GATA4: variants seen among roughly 807,000 people sequenced by gnomAD.
GATA4 encodes the protein GATA binding protein 4, also known as transcription factor GATA-4.
A neutral mutation model predicts 37.9 loss-of-function variants in GATA4; 7 were observed. The observed-to-expected ratio is 0.18, with a 90% CI of 0.11 to 0.35. The LOEUF is 0.35. Among genes scored for constraint, GATA4 ranks in the 10% least tolerant of loss-of-function variants. The pLI is 1.00. For missense variants in GATA4, 647 were observed against 653.0 expected, an observed-to-expected ratio of 0.99 and a Z score of 0.10; for synonymous variants, 372 against 292.6, an observed-to-expected ratio of 1.27 and a Z score of -2.77.
intron 2 of GATA4, among the ~76,000 whole-genome samples, chr8:11,732,525 A>G (rs1801259954): frequency 1.3e-5 from 2 of 152,266 alleles, no homozygotes; most frequent in Admixed American, 1.3e-4. Context: ...GAAAACGTGA[A>G]GTAACACCAA....
chr8:11,696,178 CAG>C (rs1359690206), intron 1 of GATA4, among the ~76,000 whole-genome samples: 9 of 152,074 alleles, frequency 5.9e-5, no homozygotes, highest in Non-Finnish European at 1.2e-4. Flanking sequence ...GTACAGTTTT[CAG>C]AGTCTTGACA....
At chr8:11,688,179 C>T (rs1292998055), upstream of GATA4, among the ~76,000 whole-genome samples, 2 of 152,122 alleles carry the variant, frequency 1.3e-5, no homozygotes, top group African/African-American at 2.4e-5. Context: ...TCAAGAGCCC[C>T]CCACACACGT....
chr8:11,708,669 C>G lies in GATA4; in HGVS notation c.357C>G (p.Ala119=), dbSNP rs2130069809. 1 of 1,283,560 alleles carries G rather than the reference C, an allele frequency of 7.8e-7. No homozygotes were observed. The highest frequency in any genetic ancestry group is 9.8e-7 in the Non-Finnish European group (1 of 1,018,868). The allele number at this position is 1,283,560 out of a possible 1,614,324, so 79.5% of individuals were successfully genotyped here. Residue 119 remains alanine (A), a synonymous_variant, in exon 2 of 7, where the codon GCC becomes GCG. Coordinates refer to ENST00000532059, the MANE Select transcript of GATA4 (RefSeq NM_001308093.3). The surrounding 1 kb of genome is among the most constrained non-coding windows in gnomAD (Gnocchi z 6.7). ...CGGGGACCACCGGGTCCCTGGCGGCCGCCGCCGCCGCTGCCGCGGCCCGGG... is the reference window on the plus strand; with the variant it reads ...CGGGGACCACCGGGTCCCTGGCGGCGGCCGCCGCCGCTGCCGCGGCCCGGG... ...SFPGTTGSLA[A]AAAAAAAREA... is the part of the protein sequence containing the mutation.
At position 11,758,293 on chromosome 8, in the gene GATA4, A is replaced by C. The variant is rs2130354924; in HGVS notation, c.1150A>C (p.Thr384Pro). Residue 384 changes from threonine (T) to proline (P), a missense_variant and splice_region_variant, in exon 7 of 7, where the codon ACG becomes CCG. Transcript: ENST00000532059. Reference protein sequence around the residue: ...HYGHSSSVSQTFSVSAMSGHG... With the variant: ...HYGHSSSVSQPFSVSAMSGHG... ...TCATCGTGTGCTTTCTGCTTTTCAG[A>C]CGTTCTCAGTCAGTGCGATGTCTGG... 6.2e-7 allele frequency: 1 copy of C among 1,613,956 alleles called. No homozygotes were observed. The highest frequency in any genetic ancestry group is 1.3e-5 in the African/African-American group (1 of 74,988).
intron 1 of GATA4, chr8:11,698,048 C>G: frequency 6.1e-6 from 6 of 980,012 alleles, no homozygotes; most frequent in Non-Finnish European, 6.1e-6. Context: ...TCGTCCCGGT[C>G]GGGTTCTCTC....
At chr8:11,697,456 C>T (rs1799539477) in intron 1 of GATA4, 1 of 674,068 alleles carries the variant, frequency 1.5e-6, no homozygotes. Flanking sequence ...TAGGAACCTC[C>T]CAGCTGGGGA....
chr8:11,692,765 G>T (rs967401720), intron 1 of GATA4: 2 of 982,976 alleles, frequency 2.0e-6, no homozygotes, highest in African/African-American at 3.5e-5. Context: ...CGGACGGGGG[G>T]CGGGAAGCGA....
At chr8:11,679,650 C>T (rs1465582320) in intron 1 of GATA4, among the ~76,000 whole-genome samples, 1 of 152,212 alleles carries the variant, frequency 6.6e-6, no homozygotes, top group Non-Finnish European at 1.5e-5. Context: ...CAAGCACCCG[C>T]GGCCTTAAAA....
At chr8:11,727,252 A>T (rs937349017) in intron 2 of GATA4, among the ~76,000 whole-genome samples, 4 of 151,704 alleles carry the variant, frequency 2.6e-5, no homozygotes, top group African/African-American at 9.7e-5. Flanking sequence ...CCCTGTGTAA[A>T]CACATCTCCA....
chr8:11,702,701 C>T (rs1047920878), upstream of GATA4, among the ~76,000 whole-genome samples: 9 of 151,908 alleles, frequency 5.9e-5, no homozygotes, highest in African/African-American at 1.9e-4. This position sits in a 1 kb window ranked among gnomAD's most constrained non-coding sequence, Gnocchi z 4.4. Context: ...AGAAGAAACC[C>T]TAAGTGTGTC....
chr8:11,693,264 G>A (rs919494989), intron 1 of GATA4, among the ~76,000 whole-genome samples: 1 of 152,106 alleles, frequency 6.6e-6, no homozygotes, highest in African/African-American at 2.4e-5. Context: ...CCAGCAGATA[G>A]AGACCAGCCT....
intron 1 of GATA4, among the ~76,000 whole-genome samples, chr8:11,684,933 G>A (rs1017710098): frequency 1.4e-4 from 22 of 152,130 alleles, no homozygotes; most frequent in African/African-American, 1.4e-4. Context: ...TAACCTTTCC[G>A]AAAGGCAATT....
At chr8:11,715,500 G>A (rs1800396620) in intron 2 of GATA4, among the ~76,000 whole-genome samples, 1 of 151,970 alleles carries the variant, frequency 6.6e-6, no homozygotes, top group South Asian at 2.1e-4. Context: ...TGTAATCCTA[G>A]CACTTTGGGA....
At chr8:11,693,562 C>CACACACACACAGAGAGAGAG (rs1405047773) in intron 1 of GATA4, among the ~76,000 whole-genome samples, 1 of 72,146 alleles carries the variant, frequency 1.4e-5, no homozygotes, top group African/African-American at 5.1e-5. Context: ...CACACACACA[C>CACACACACACAGAGAGAGAG]AGAGAGAGAG....
At chr8:11,683,369 A>G (rs531656926) in intron 1 of GATA4, among the ~76,000 whole-genome samples, 1 of 152,318 alleles carries the variant, frequency 6.6e-6, no homozygotes, top group East Asian at 1.9e-4. Context: ...ATGCCGGTAA[A>G]TAGTAATTCT....
intron 2 of GATA4, among the ~76,000 whole-genome samples, chr8:11,710,864 G>C (rs1439531438): frequency 6.6e-6 from 1 of 152,200 alleles, no homozygotes; most frequent in Non-Finnish European, 1.5e-5. Context: ...TCTCACGCCT[G>C]TAATCCCAGC....
intron 1 of GATA4, among the ~76,000 whole-genome samples, chr8:11,677,548 C>G (rs1207762822): frequency 6.6e-6 from 1 of 152,230 alleles, no homozygotes; most frequent in Non-Finnish European, 1.5e-5. Context: ...GGGTCCCCCG[C>G]AGCCCTTGGT....
chr8:11,698,030 G>C, intron 1 of GATA4: 3 of 984,692 alleles, frequency 3.0e-6, no homozygotes, highest in South Asian at 4.7e-5. Context: ...CTGGACTCTG[G>C]GTTGACCTCG....
At position 11,758,199 on chromosome 8, in the gene GATA4, GA is replaced by G. The variant is rs1298992092; in HGVS notation, c.1150-93del. The G allele has an allele frequency of 1.7e-5, 21 of 1,231,238 alleles. No individual in the cohort carries two copies. In the African/African-American group the frequency reaches 3.1e-4, roughly 18 times the overall value. The allele number at this position is 1,231,238 out of a possible 1,614,324, so 76.3% of individuals were successfully genotyped here. A position where few individuals can be genotyped will look rare whatever the true frequency, so the allele number is the denominator to read the frequency against. ...TCCTGAGGGCTGAAGCCATCCTGGG[GA>G]CATCTGCATAGCAGGGCACCCTCCC... On this transcript the variant is annotated intron_variant, in intron 6 of 6. Coordinates refer to ENST00000532059, the MANE Select transcript of GATA4 (RefSeq NM_001308093.3).
Sources: gnomAD v4.1 joint callset for allele counts (sites outside exome capture counted in the v4.1 genomes callset) on GRCh38, gnomAD v4.1.1 for gene constraint, Gnocchi (gnomAD v3.1) non-coding constraint, MANE v1.5 for transcripts, NCBI Gene and HGNC (gene_info 2026-07-23, HGNC 2026-07-21) for gene names.